Variants in UNC13C observed in about 807,000 individuals in gnomAD.
UNC13C encodes the protein unc-13 homolog C, also known as protein unc-13 homolog C.
Under a neutral mutation model 245.4 loss-of-function variants are expected in UNC13C, and 174 were observed. That is an observed-to-expected ratio of 0.71 (90% CI 0.63 to 0.80). The LOEUF (loss-of-function observed/expected upper bound fraction) is 0.80. UNC13C is among the 30% of genes least tolerant of loss of function. UNC13C has a pLI of 0.00. For synonymous variants in UNC13C, 992 were observed against 895.1 expected, an observed-to-expected ratio of 1.11 and a Z score of -1.93; for missense variants, 2,829 against 2,602.9, an observed-to-expected ratio of 1.09 and a Z score of -1.89.
intron 2 of UNC13C, among the ~76,000 whole-genome samples, chr15:54,038,556 CT>C (rs1896686246): frequency 6.6e-6 from 1 of 152,074 alleles, no homozygotes; most frequent in Admixed American, 6.5e-5. Context: ...CAATTTTTAA[CT>C]TTTTAAACTG....
intron 13 of UNC13C, among the ~76,000 whole-genome samples, chr15:54,305,212 G>T (rs1187906375): frequency 6.6e-6 from 1 of 152,044 alleles, no homozygotes; most frequent in Admixed American, 6.6e-5. Context: ...CTCCTAGTGT[G>T]TTTCTAGATG....
chr15:54,234,251 T>TAC (rs1244055583), intron 4 of UNC13C, among the ~76,000 whole-genome samples: 1 of 151,726 alleles, frequency 6.6e-6, no homozygotes, highest in Non-Finnish European at 1.5e-5. Flanking sequence ...TATATATATA[T>TAC]ATATATATGG....
rs547592814 is a variant in UNC13C, at chr15:54,237,665, G to A, written c.3203G>A (p.Arg1068Lys). 6.2e-7 allele frequency: 1 copy of A among 1,611,990 alleles called. No individual in the cohort carries two copies. The highest frequency in any genetic ancestry group is 1.3e-5 in the African/African-American group (1 of 74,948). ...KSGLSLAMVI[R>K]TSLNNEELKM... ...GGACTCTCCCTGGCTATGGTGATTAGGACATCCCTAAATAATGAGGAACTG... is the reference window on the plus strand; with the variant it reads ...GGACTCTCCCTGGCTATGGTGATTAAGACATCCCTAAATAATGAGGAACTG... The change falls in exon 7 of 33, where the codon AGG becomes AAG. Residue 1068 changes from arginine (R) to lysine (K), a missense_variant. Coordinates refer to ENST00000260323, the MANE Select transcript of UNC13C (RefSeq NM_001080534.3).
chr15:54,300,160 C>G (rs1290785842), intron 12 of UNC13C, 50 bp from the exon 13 acceptor site: 10 of 1,530,822 alleles, frequency 6.5e-6, no homozygotes, highest in South Asian at 1.2e-5. Flanking sequence ...TTAAATGTTT[C>G]TGGCCTATTC....
chr15:54,328,801 T>G (rs1362530654), intron 14 of UNC13C, among the ~76,000 whole-genome samples: 1 of 152,084 alleles, frequency 6.6e-6, no homozygotes, highest in Non-Finnish European at 1.5e-5. Flanking sequence ...CTAAGAATAT[T>G]TTTTAATATT....
chr15:54,041,060 G>T (rs559094609), intron 2 of UNC13C, among the ~76,000 whole-genome samples: 4 of 152,180 alleles, frequency 2.6e-5, no homozygotes, highest in African/African-American at 4.8e-5. Context: ...TCCATGGAAA[G>T]TTAGCTACAC....
At chr15:54,453,265 G>T (rs2141011776) in intron 19 of UNC13C, among the ~76,000 whole-genome samples, 1 of 152,290 alleles carries the variant, frequency 6.6e-6, no homozygotes, top group African/African-American at 2.4e-5. Flanking sequence ...CTGCACTGTT[G>T]AGTCTCACTG....
intron 2 of UNC13C, among the ~76,000 whole-genome samples, chr15:54,042,374 G>A (rs923426968): frequency 6.6e-6 from 1 of 152,170 alleles, no homozygotes; most frequent in Non-Finnish European, 1.5e-5. Context: ...GAACACACCT[G>A]CAGGTTTAGG....
chr15:54,125,233 G>A lies in UNC13C; in HGVS notation c.2984-17785G>A, dbSNP rs545355822. On this transcript the variant is annotated intron_variant, in intron 2 of 32. Coordinates refer to ENST00000260323, the MANE Select transcript of UNC13C (RefSeq NM_001080534.3). ...AATTCTAGCACTTTGAGAGGCCATG[G>A]CAGGTGGATCGTGAGGTCAGGCATT... 7.9e-5 allele frequency among the ~76,000 whole-genome samples: 12 copies of A among 152,248 alleles called. No individual in the cohort carries two copies. The South Asian group carries it at 1.2e-3, about 16-fold the overall frequency.
chr15:54,141,008 T>C (rs1016178935), intron 2 of UNC13C, among the ~76,000 whole-genome samples: 11 of 152,178 alleles, frequency 7.2e-5, no homozygotes, highest in African/African-American at 1.9e-4. Flanking sequence ...GAAAAGTAAT[T>C]GATGACCTTG....
intron 19 of UNC13C, among the ~76,000 whole-genome samples, chr15:54,470,196 C>T (rs1892386333): frequency 6.6e-6 from 1 of 151,490 alleles, no homozygotes; most frequent in Non-Finnish European, 1.5e-5. Flanking sequence ...CATCTATGTT[C>T]ATCAGGATAT....
chr15:54,426,419 C>G (rs2040760951), intron 19 of UNC13C, among the ~76,000 whole-genome samples: 1 of 150,280 alleles, frequency 6.7e-6, no homozygotes, highest in Non-Finnish European at 1.5e-5. Context: ...CCTTCAGTAT[C>G]TTTACAAGTA....
At chr15:54,380,291 A>G (rs945795106) in intron 17 of UNC13C, among the ~76,000 whole-genome samples, 1 of 152,098 alleles carries the variant, frequency 6.6e-6, no homozygotes, top group African/African-American at 2.4e-5. Flanking sequence ...AAGTTCATCC[A>G]TGAAGCAACA....
intron 30 of UNC13C, among the ~76,000 whole-genome samples, chr15:54,572,787 T>A (rs1897816144): frequency 6.6e-6 from 1 of 152,174 alleles, no homozygotes; most frequent in African/African-American, 2.4e-5. Flanking sequence ...CTGCATTGAA[T>A]CATTATTTAA....
chr15:54,548,176 C>T (rs1375535687), intron 27 of UNC13C, among the ~76,000 whole-genome samples: 1 of 108,098 alleles, frequency 9.3e-6, no homozygotes, highest in Non-Finnish European at 2.1e-5. Context: ...CTTTTGAACT[C>T]TTGTTTTGTT....
intron 10 of UNC13C, among the ~76,000 whole-genome samples, chr15:54,265,974 G>A (rs2036540741): frequency 6.6e-6 from 1 of 151,920 alleles, no homozygotes; most frequent in African/African-American, 2.4e-5. Flanking sequence ...CACATTCCAC[G>A]AGGGCATTTA....
At chr15:54,203,220 C>T (rs1175201031) in intron 4 of UNC13C, among the ~76,000 whole-genome samples, 2 of 151,674 alleles carry the variant, frequency 1.3e-5, no homozygotes, top group African/African-American at 4.8e-5. Flanking sequence ...CATTTTTACA[C>T]TGTTGGTGGG....
chr15:54,314,769 T>C (rs932837304), intron 13 of UNC13C, among the ~76,000 whole-genome samples: 3 of 151,806 alleles, frequency 2.0e-5, no homozygotes, highest in African/African-American at 7.2e-5. Flanking sequence ...GCTTTCCATC[T>C]TGATTTTATA....
intron 19 of UNC13C, among the ~76,000 whole-genome samples, chr15:54,436,860 A>G (rs1890249216): frequency 6.6e-6 from 1 of 151,934 alleles, no homozygotes; most frequent in Admixed American, 6.6e-5. Flanking sequence ...ATTTAGAACA[A>G]TAAAAGGAAT....
Sources: gnomAD v4.1 joint callset for allele counts (sites outside exome capture counted in the v4.1 genomes callset) on GRCh38, gnomAD v4.1.1 for gene constraint, MANE v1.5 for transcripts, NCBI Gene and HGNC (gene_info 2026-07-23, HGNC 2026-07-21) for gene names.